Variants in FHDC1 observed in about 807,000 individuals in gnomAD.
FHDC1 encodes the protein FH2 domain containing 1, also known as FH2 domain-containing protein 1.
FHDC1 carries 25 observed loss-of-function variants against 52.6 expected under a neutral mutation model. The observed-to-expected ratio is 0.48, with a 90% CI of 0.35 to 0.66. The LOEUF is 0.66. FHDC1 is among the 30% of genes least tolerant of loss of function. FHDC1 has a pLI of 0.01. For missense variants in FHDC1, 1,459 were observed against 1,452.8 expected (o/e 1.00, Z -0.07); for synonymous variants, 616 against 581.5 (o/e 1.06, Z -0.85).
the FHDC1 span, among the ~76,000 whole-genome samples, chr4:152,920,135 A>T: frequency 6.6e-6 from 1 of 151,666 alleles, no homozygotes; most frequent in East Asian, 1.9e-4. Flanking sequence ...TTTAGTAGAG[A>T]CAGGGTTTCA....
chr4:152,965,597 A>T (rs1740432888), intron 9 of FHDC1, among the ~76,000 whole-genome samples: 1 of 152,184 alleles, frequency 6.6e-6, no homozygotes, highest in Non-Finnish European at 1.5e-5. Context: ...ATGTGTTTTA[A>T]AATTTATATT....
Position 152,976,873 on chromosome 4 carries a change from G to T in FHDC1, c.*150G>T. The T allele has an allele frequency of 9.9e-7, 1 of 1,013,224 alleles. No individual in the cohort carries two copies. The allele number at this position is 1,013,224 out of a possible 1,614,324, so 62.8% of individuals were successfully genotyped here. ...GACGCTGTTGGGATGGCACAGTCCAGGAGGCCTGTGGACTGCAGCCTGCTG... is the reference window on the plus strand; with the variant it reads ...GACGCTGTTGGGATGGCACAGTCCATGAGGCCTGTGGACTGCAGCCTGCTG... On this transcript the variant is annotated 3_prime_UTR_variant, in exon 12 of 12. Transcript: ENST00000511601.
At chr4:152,954,180 A>C (rs934383741) in intron 3 of FHDC1, 37 bp from the exon 4 acceptor site, 15 of 1,574,396 alleles carry the variant, frequency 9.5e-6, no homozygotes, top group Non-Finnish European at 1.3e-5. Flanking sequence ...GCACTCCAGC[A>C]AACGTGAAAT....
rs768361167 is a variant in FHDC1, at chr4:152,976,634, G to T, written c.3343G>T (p.Ala1115Ser). ...PSANTEAPLK[A>S]RGAGERASLR... is the part of the protein sequence containing the mutation. ...TGCCAACACGGAGGCCCCTCTGAAGGCCAGAGGGGCTGGGGAAAGGGCCTC... is the reference window on the plus strand; with the variant it reads ...TGCCAACACGGAGGCCCCTCTGAAGTCCAGAGGGGCTGGGGAAAGGGCCTC... Residue 1115 changes from alanine (A) to serine (S), a missense_variant, in exon 12 of 12, where the codon GCC becomes TCC. Ala to Ser is a moderately conservative substitution (Grantham distance 99). Around this residue, in one of 3 missense-constraint regions of FHDC1, gnomAD observed 939 missense variants for 854.5 expected, o/e 1.10. Transcript: ENST00000511601. 9.4e-6 allele frequency: 15 copies of T among 1,603,358 alleles called. 1 individual carries two copies. In the South Asian group the frequency reaches 1.7e-4, roughly 18 times the overall value.
intron 2 of FHDC1, among the ~76,000 whole-genome samples, chr4:152,951,679 G>C (rs1739931329): frequency 1.3e-5 from 2 of 152,078 alleles, no homozygotes; most frequent in African/African-American, 4.8e-5. Context: ...ATTCTCTTTT[G>C]TTCACAGTGA....
chr4:152,959,642 C>A (rs1021347434), intron 4 of FHDC1, among the ~76,000 whole-genome samples: 1 of 152,070 alleles, frequency 6.6e-6, no homozygotes, highest in African/African-American at 2.4e-5. Flanking sequence ...CTCAAGTGAT[C>A]CTTCTGCCTT....
In FHDC1 at chr4:152,961,926, T is replaced by C. The variant is rs1264076530; in HGVS notation, c.851-888T>C. On this transcript the variant is annotated intron_variant, in intron 6 of 11. Transcript: ENST00000511601. ...ATTGAGCAATGCAAACTTGTGGGCA[T>C]GGTAGAAACATTTCTTATCTGGTCA... 4.6e-5 allele frequency among the ~76,000 whole-genome samples: 7 copies of C among 152,234 alleles called. 1 individual carries two copies. The highest frequency in any genetic ancestry group is 4.6e-4 in the Admixed American group (7 of 15,286).
chr4:152,975,750 TCTCCTCCAACCCTACATCCAG>T lies in FHDC1; in HGVS notation c.2461_2481del (p.Ser821_Ser827del), dbSNP rs757477071. ...GTTGGAGAAATGGGGGACAGCCAAGTCTCCTCCAACCCTACATCCAGCCCCCCTGGGGAGGCTCCTGCCCCC... is the reference window on the plus strand; with the variant it reads ...GTTGGAGAAATGGGGGACAGCCAAGTCCCCCCTGGGGAGGCTCCTGCCCCC... On this transcript the variant is annotated inframe_deletion, in exon 12 of 12. Coordinates refer to ENST00000511601, the MANE Select transcript of FHDC1 (RefSeq NM_001371116.1). 1.5e-4 allele frequency: 241 copies of T among 1,582,938 alleles called. 1 individual carries two copies. Among genetic ancestry groups the T allele is most frequent in the Non-Finnish European group, 1.7e-5 (20 of 1,162,284 alleles).
chr4:152,926,305 A>ACACACAC, the FHDC1 span, among the ~76,000 whole-genome samples: 1 of 112,974 alleles, frequency 8.9e-6, no homozygotes, highest in East Asian at 2.5e-4. Flanking sequence ...CACACACACA[A>ACACACAC]ACAATACACA....
In FHDC1 at chr4:152,975,996, T is replaced by C. The variant is rs776971816; in HGVS notation, c.2705T>C (p.Met902Thr). Residue 902 changes from methionine (M) to threonine (T), a missense_variant, in exon 12 of 12, where the codon ATG becomes ACG. This residue lies in a region of FHDC1 where 939 missense variants were observed against 854.5 expected (regional missense o/e 1.10). Transcript: ENST00000511601. The part of the protein sequence containing the change: ...RTLTASENES[M>T]RKVMPITKSS... Reference sequence around the variant, plus strand: ...CTGACCGCCTCAGAGAACGAGAGCATGCGCAAGGTCATGCCCATCACCAAG... The same window carrying C: ...CTGACCGCCTCAGAGAACGAGAGCACGCGCAAGGTCATGCCCATCACCAAG... 5.9e-6 allele frequency: 9 copies of C among 1,529,398 alleles called. No homozygotes were observed. Among genetic ancestry groups the C allele is most frequent in the South Asian group, 2.6e-5 (2 of 77,134 alleles). The allele number at this position is 1,529,398 out of a possible 1,614,324, so 94.7% of individuals were successfully genotyped here.
the FHDC1 span, among the ~76,000 whole-genome samples, chr4:152,918,237 A>G: frequency 6.6e-6 from 1 of 152,238 alleles, no homozygotes; most frequent in Non-Finnish European, 1.5e-5. Context: ...CTTCCTTGCC[A>G]GTGACCTCAA....
At chr4:152,958,222 G>T (rs4992283) in intron 4 of FHDC1, among the ~76,000 whole-genome samples, 2 of 152,094 alleles carry the variant, frequency 1.3e-5, no homozygotes, top group African/African-American at 4.8e-5. Flanking sequence ...CTCACTGTTA[G>T]GACAGCAACC....
chr4:152,973,819 G>A (rs1561215074), intron 11 of FHDC1, among the ~76,000 whole-genome samples: 1 of 152,274 alleles, frequency 6.6e-6, no homozygotes, highest in East Asian at 1.9e-4. Context: ...TCTATTTAAA[G>A]TGCATGGCCA....
At chr4:152,958,958 C>T (rs1475423449) in intron 4 of FHDC1, among the ~76,000 whole-genome samples, 1 of 152,150 alleles carries the variant, frequency 6.6e-6, no homozygotes, top group Non-Finnish European at 1.5e-5. Flanking sequence ...GGTGTGAACT[C>T]GAAGTGTTAC....
Position 152,976,093 on chromosome 4 carries a change from C to G in FHDC1, c.2802C>G (p.Ser934Arg), listed in dbSNP as rs939745456. 1.2e-6 allele frequency: 2 copies of G among 1,609,640 alleles called. No individual in the cohort carries two copies. The highest frequency in any genetic ancestry group is 1.7e-6 in the Non-Finnish European group (2 of 1,178,344). ...SRGPSQNPPS[S>R]TDTVWSRQNS... Reference sequence around the variant, plus strand: ...GGCCCTCCCAGAATCCCCCCAGCAGCACAGATACTGTGTGGTCACGCCAGA... The same window carrying G: ...GGCCCTCCCAGAATCCCCCCAGCAGGACAGATACTGTGTGGTCACGCCAGA... The change falls in exon 12 of 12, where the codon AGC (serine) becomes AGG (arginine). Residue 934 changes from serine to arginine, a missense_variant. Coordinates refer to ENST00000511601, the MANE Select transcript of FHDC1 (RefSeq NM_001371116.1).
At chr4:152,961,301 C>G (rs62320610) in intron 6 of FHDC1, among the ~76,000 whole-genome samples, 8,308 of 152,218 alleles carry the variant, frequency 0.055, 288 homozygotes, top group Non-Finnish European at 0.08. Context: ...TGGGGTCAAC[C>G]GTGTGACTCT....
In FHDC1 at chr4:152,976,854, G is replaced by T; in HGVS notation, c.*131G>T. The T allele has an allele frequency of 8.1e-7, 1 of 1,237,340 alleles. No homozygotes were observed. The allele number at this position is 1,237,340 out of a possible 1,614,324, so 76.6% of individuals were successfully genotyped here. On this transcript the variant is annotated 3_prime_UTR_variant, in exon 12 of 12. Coordinates refer to ENST00000511601, the MANE Select transcript of FHDC1 (RefSeq NM_001371116.1). ...CACTGGTGCCACTGCTAGTGACGCT[G>T]TTGGGATGGCACAGTCCAGGAGGCC... is the stretch of plus-strand genomic sequence containing the variant.
chr4:152,976,903 G>A lies in FHDC1; in HGVS notation c.*180G>A. On this transcript the variant is annotated 3_prime_UTR_variant, in exon 12 of 12. Transcript: ENST00000511601. ...CCTGTGGACTGCAGCCTGCTGTGCT[G>A]AGCCCTGCTGCAGTCCAGCGTCCAG... is the stretch of plus-strand genomic sequence containing the variant. 1.4e-6 allele frequency: 1 copy of A among 712,052 alleles called. No homozygotes were observed. The highest frequency in any genetic ancestry group is 2.1e-6 in the Non-Finnish European group (1 of 477,510). 44.1% of individuals were successfully genotyped at this position (712,052 alleles called of 1,614,324 possible).
intron 4 of FHDC1, among the ~76,000 whole-genome samples, chr4:152,957,249 A>G (rs2149948804): frequency 6.6e-6 from 1 of 152,340 alleles, no homozygotes; most frequent in Non-Finnish European, 1.5e-5. Context: ...ACCTTTATTG[A>G]GTGCCCCCAT....
Sources: gnomAD v4.1 joint callset for allele counts (sites outside exome capture counted in the v4.1 genomes callset) on GRCh38, gnomAD v4.1.1 for gene constraint, gnomAD v4.1.1 regional missense constraint, MANE v1.5 for transcripts, NCBI Gene and HGNC (gene_info 2026-07-23, HGNC 2026-07-21) for gene names.